FAS: variants seen among roughly 807,000 people sequenced by gnomAD.
The protein encoded by FAS is tumor necrosis factor receptor superfamily member 6.
FAS carries 5 observed loss-of-function variants against 33.2 expected under a neutral mutation model. The ratio of observed to expected loss-of-function variants is 0.15; its 90% CI spans 0.08 to 0.32. The LOEUF (loss-of-function observed/expected upper bound fraction) is 0.32, where lower values mean the gene tolerates loss of function less well. Among genes scored for constraint, FAS ranks in the 10% least tolerant of loss-of-function variants. FAS has a pLI of 1.00. For missense variants in FAS, 339 were observed against 386.0 expected (o/e 0.88, Z 1.02); for synonymous variants, 131 against 130.7 (o/e 1.00, Z -0.01).
At chr10:88,978,892 TTATTATTATTA>T (rs1345449173) in intron 2 of FAS, among the ~76,000 whole-genome samples, 1 of 151,324 alleles carries the variant, frequency 6.6e-6, no homozygotes, top group Non-Finnish European at 1.5e-5. Flanking sequence ...CTCTTCTCTA[TTATTATTATTA>T]TATTATTATT....
chr10:89,011,069 C>A, intron 6 of FAS: 1 of 541,158 alleles, frequency 1.8e-6, no homozygotes, highest in Non-Finnish European at 3.3e-6. Flanking sequence ...TTCTCTGCAG[C>A]AGCAGAATTG....
rs1848027052 is a variant in FAS at position 89,003,121 on chromosome 10, T to C, written c.123T>C (p.Val41=). The stretch of plus-strand genomic sequence containing the variant: ...AGGGATTGGAATTGAGGAAGACTGT[T>C]ACTACAGTTGAGACTCAGAACTTGG... ...NSKGLELRKT[V]TTVETQNLEG... Residue 41 remains valine, a synonymous_variant, in exon 2 of 9, where the codon GTT becomes GTC. Coordinates refer to ENST00000652046, the MANE Select transcript of FAS (RefSeq NM_000043.6). The C allele has an allele frequency of 3.1e-6, 5 of 1,614,208 alleles. No individual in the cohort carries two copies. The highest frequency in any genetic ancestry group is 4.2e-6 in the Non-Finnish European group (5 of 1,180,002).
rs532589041 is a variant in FAS, at chr10:89,002,796, G to T, written c.31-233G>T. Reference sequence around the variant, plus strand: ...GGCCCTGTTCACCTTAGAACACCTGGCTTCTATCATTCATGGTGCTGTTTC... The same window carrying T: ...GGCCCTGTTCACCTTAGAACACCTGTCTTCTATCATTCATGGTGCTGTTTC... On this transcript the variant is annotated intron_variant, in intron 1 of 8. Coordinates refer to ENST00000652046, the MANE Select transcript of FAS (RefSeq NM_000043.6). The T allele has an allele frequency of 5.8e-6, 3 of 518,302 alleles. No individual in the cohort carries two copies. In the South Asian group the frequency reaches 6.1e-5, roughly 11 times the overall value. 32.1% of individuals were successfully genotyped at this position (518,302 alleles called of 1,614,324 possible).
At chr10:88,995,856 C>T (rs1251182620) in intron 1 of FAS, among the ~76,000 whole-genome samples, 1 of 152,082 alleles carries the variant, frequency 6.6e-6, no homozygotes, top group Non-Finnish European at 1.5e-5. Flanking sequence ...AAAATCATAC[C>T]TTTAGAGCAA....
At chr10:88,984,008 T>C (rs1846796890), upstream of FAS, among the ~76,000 whole-genome samples, 1 of 152,120 alleles carries the variant, frequency 6.6e-6, no homozygotes, top group African/African-American at 2.4e-5. Flanking sequence ...CAGGTTTGTG[T>C]AGAGTTTGTG....
intron 3 of FAS, 27 bp from the exon 4 acceptor site, chr10:89,008,862 C>G (rs778771711): frequency 1.2e-6 from 2 of 1,602,466 alleles, no homozygotes; most frequent in Non-Finnish European, 1.7e-6. Flanking sequence ...GCCGCTATAA[C>G]TAATAGTTTC....
chr10:88,973,300 C>T (rs1011580457), exon 2 of FAS: 3 of 1,610,360 alleles, frequency 1.9e-6, no homozygotes, highest in East Asian at 2.2e-5. Flanking sequence ...TCATCACCAT[C>T]TGAACAGCTC....
At chr10:88,968,307 C>A (rs971140510) in intron 1 of FAS, among the ~76,000 whole-genome samples, 1 of 152,120 alleles carries the variant, frequency 6.6e-6, no homozygotes, top group Non-Finnish European at 1.5e-5. Context: ...TATTTTGTAG[C>A]CAGCATATGT....
chr10:88,994,087 C>T (rs775864928), intron 1 of FAS, among the ~76,000 whole-genome samples: 7 of 152,204 alleles, frequency 4.6e-5, no homozygotes, highest in African/African-American at 9.7e-5. Flanking sequence ...GGAATTTGGA[C>T]GTTGTCTCTG....
chr10:88,973,403 T>C (rs1216119749), intron 2 of FAS: 7 of 1,335,096 alleles, frequency 5.2e-6, no homozygotes, highest in Non-Finnish European at 6.9e-6. Flanking sequence ...GAGTTCCCGA[T>C]GAAAACAACT....
At chr10:89,006,778 G>T (rs1848251390) in intron 2 of FAS, among the ~76,000 whole-genome samples, 1 of 152,124 alleles carries the variant, frequency 6.6e-6, no homozygotes, top group Admixed American at 6.5e-5. Flanking sequence ...CTTCTAAAAA[G>T]TTCCTAGGAC....
In FAS at chr10:88,990,869, C is replaced by G; in HGVS notation, c.-8C>G. The G allele has an allele frequency of 6.2e-7, 1 of 1,614,242 alleles. No homozygotes were observed. Among genetic ancestry groups the G allele is most frequent in the Non-Finnish European group, 8.5e-7 (1 of 1,180,042 alleles). On this transcript the variant is annotated 5_prime_UTR_variant, in exon 1 of 9. Transcript: ENST00000652046. The surrounding 1 kb of genome is among the most constrained non-coding windows in gnomAD (Gnocchi z 4.9). ...AGCTCTTTCACTTCGGAGGATTGCT[C>G]AACAACCATGCTGGGCATCTGGACC...
At chr10:88,970,243 G>A (rs1021924556) in intron 1 of FAS, among the ~76,000 whole-genome samples, 3 of 152,082 alleles carry the variant, frequency 2.0e-5, no homozygotes, top group Non-Finnish European at 4.4e-5. Context: ...GTCTTTGGAC[G>A]TTTCCATCTC....
At chr10:88,968,108 A>T (rs1446456691) in intron 1 of FAS, among the ~76,000 whole-genome samples, 2 of 152,136 alleles carry the variant, frequency 1.3e-5, no homozygotes, top group African/African-American at 4.8e-5. Context: ...TATTCAATTC[A>T]GTAGTTTCTG....
intron 1 of FAS, chr10:89,002,556 C>T (rs1847988170): frequency 1.1e-5 from 2 of 181,954 alleles, no homozygotes; most frequent in Admixed American, 1.1e-4. Context: ...CTCCACTATG[C>T]TCCCCCTCAC....
chr10:88,971,912 CTTT>C (rs547839484), intron 1 of FAS, among the ~76,000 whole-genome samples: 1 of 139,932 alleles, frequency 7.1e-6, no homozygotes, highest in Non-Finnish European at 1.6e-5. Flanking sequence ...AAGGGGACTA[CTTT>C]TTTTTTTTTT....
chr10:89,016,695 G>A lies in FAS; in HGVS notation c.*2245G>A, dbSNP rs532471841. 1 of 223,766 alleles carries A rather than the reference G, an allele frequency of 4.5e-6. No homozygotes were observed. Among genetic ancestry groups the A allele is most frequent in the African/African-American group, 2.2e-5 (1 of 44,894 alleles). The allele number at this position is 223,766 out of a possible 1,614,324, so 13.9% of individuals were successfully genotyped here. A position where few individuals can be genotyped will look rare whatever the true frequency, so the allele number is the denominator to read the frequency against. Reference sequence around the variant, plus strand: ...AATCATCCTCATTCTGGTGAACCTGGTTCTCTTTGTGGTGGGCATACTGGG... The same window carrying A: ...AATCATCCTCATTCTGGTGAACCTGATTCTCTTTGTGGTGGGCATACTGGG... On this transcript the variant is annotated 3_prime_UTR_variant, in exon 9 of 9. Transcript: ENST00000652046.
In FAS at chr10:89,016,081, A is replaced by G. The variant is rs1848794795; in HGVS notation, c.*1631A>G. The G allele has an allele frequency of 4.4e-6, 1 of 228,792 alleles. No individual in the cohort carries two copies. The highest frequency in any genetic ancestry group is 8.7e-6 in the Non-Finnish European group (1 of 115,214). 14.2% of individuals were successfully genotyped at this position (228,792 alleles called of 1,614,324 possible). A position where few individuals can be genotyped will look rare whatever the true frequency, so the allele number is the denominator to read the frequency against. ...TAGGTTTTATTATTAAGAAAGCCAAATGAGGATTTTGAAATATTCTTTCCT... is the reference window on the plus strand; with the variant it reads ...TAGGTTTTATTATTAAGAAAGCCAAGTGAGGATTTTGAAATATTCTTTCCT... On this transcript the variant is annotated 3_prime_UTR_variant, in exon 9 of 9. Transcript: ENST00000652046.
At chr10:88,975,175 G>A (rs552393485) in intron 2 of FAS, 1 of 151,020 alleles carries the variant, frequency 6.6e-6, no homozygotes, top group African/African-American at 2.4e-5. Flanking sequence ...AAACTCTCAA[G>A]CAAGAGCAAA....
Sources: allele counts gnomAD v4.1 joint callset (sites outside exome capture counted in the v4.1 genomes callset), GRCh38; gene constraint gnomAD v4.1.1; non-coding constraint Gnocchi (gnomAD v3.1); transcripts MANE v1.5; gene names NCBI Gene and HGNC (gene_info 2026-07-23, HGNC 2026-07-21).